The following GPC5 variants were observed in gnomAD, a reference collection of about 807,000 sequenced individuals.
The protein encoded by GPC5 is glypican-5.
In GPC5, 47 loss-of-function variants were observed where a neutral mutation model predicts 53.9. The observed-to-expected ratio is 0.87, with a 90% CI of 0.69 to 1.11. GPC5 has a LOEUF of 1.11. GPC5 is among the 50% of genes most tolerant of loss of function. GPC5 has a pLI of 0.00. For missense variants in GPC5, 748 were observed against 713.1 expected (o/e 1.05, Z -0.56); for synonymous variants, 286 against 263.3 (o/e 1.09, Z -0.84).
chr13:91,544,863 G>A (rs765121448), intron 2 of GPC5, among the ~76,000 whole-genome samples: 27 of 152,182 alleles, frequency 1.8e-4, no homozygotes, highest in Non-Finnish European at 4.4e-5. Context: ...GAGTCAAGAC[G>A]TGGGCCTGGA....
chr13:92,829,734 G>T (rs113032537), intron 7 of GPC5, among the ~76,000 whole-genome samples: 1 of 152,020 alleles, frequency 6.6e-6, no homozygotes, highest in Non-Finnish European at 1.5e-5. Context: ...ATTCTAAATG[G>T]ATAACTCACA....
At chr13:92,039,456 A>G (rs2040924629) in intron 6 of GPC5, among the ~76,000 whole-genome samples, 1 of 152,092 alleles carries the variant, frequency 6.6e-6, no homozygotes, top group South Asian at 2.1e-4. Context: ...ATGATTAGAA[A>G]CTCCAACACT....
At chr13:92,526,385 T>C (rs145702196) in intron 7 of GPC5, among the ~76,000 whole-genome samples, 1 of 152,102 alleles carries the variant, frequency 6.6e-6, no homozygotes, top group Admixed American at 6.6e-5. Context: ...GATAGTGTCA[T>C]GACCCCCAAC....
chr13:92,814,944 G>T (rs567992940), intron 7 of GPC5, among the ~76,000 whole-genome samples: 142 of 151,526 alleles, frequency 9.4e-4, no homozygotes, highest in Non-Finnish European at 1.7e-3. Flanking sequence ...TTCTCAAATC[G>T]CAAACCACAT....
chr13:91,603,685 TAG>T (rs1403232014), intron 2 of GPC5, among the ~76,000 whole-genome samples: 4 of 152,260 alleles, frequency 2.6e-5, no homozygotes, highest in African/African-American at 9.6e-5. Flanking sequence ...GTTCTCTTTT[TAG>T]AGAGTCATTT....
intron 7 of GPC5, among the ~76,000 whole-genome samples, chr13:92,828,241 TCC>T (rs765988672): frequency 2.3e-4 from 35 of 152,112 alleles, no homozygotes; most frequent in Non-Finnish European, 4.1e-4. Flanking sequence ...AAGAAGCTGC[TCC>T]CCCACCACAC....
At chr13:91,461,152 T>C (rs373330614) in intron 2 of GPC5, among the ~76,000 whole-genome samples, 6 of 152,178 alleles carry the variant, frequency 3.9e-5, no homozygotes, top group African/African-American at 1.4e-4. Context: ...GGCTAACTTT[T>C]GTATAAACAA....
At position 91,448,905 on chromosome 13, in the gene GPC5, A is replaced by T. The variant is rs1171707419; in HGVS notation, c.308A>T (p.Asn103Ile). The T allele has an allele frequency of 6.2e-7, 1 of 1,613,022 alleles. No homozygotes were observed. The change falls in exon 2 of 8, where the codon AAT becomes ATT. Residue 103 changes from asparagine (N) to isoleucine (I), a missense_variant. Transcript: ENST00000377067. ...ACATTAAAGTTTCTAATATCTCGAAATGCGGCTGCTTTTCAAGGTAAGTGG... is the reference window on the plus strand; with the variant it reads ...ACATTAAAGTTTCTAATATCTCGAATTGCGGCTGCTTTTCAAGGTAAGTGG... ...SSTLKFLISR[N>I]AAAFQETLET...
At chr13:92,660,939 A>G (rs1487957778) in intron 7 of GPC5, among the ~76,000 whole-genome samples, 1 of 152,056 alleles carries the variant, frequency 6.6e-6, no homozygotes, top group East Asian at 1.9e-4. Flanking sequence ...ATTTCTAACA[A>G]CTTTTATATT....
At chr13:92,321,679 A>G (rs926069223) in intron 7 of GPC5, among the ~76,000 whole-genome samples, 3 of 152,192 alleles carry the variant, frequency 2.0e-5, no homozygotes, top group Non-Finnish European at 4.4e-5. Flanking sequence ...CAAATTATTG[A>G]TGGGAAAAAC....
intron 7 of GPC5, among the ~76,000 whole-genome samples, chr13:92,704,778 A>C (rs1014803061): frequency 6.6e-6 from 1 of 151,620 alleles, no homozygotes; most frequent in South Asian, 2.1e-4. Flanking sequence ...ATTTTGCTTA[A>C]GAGTATATAT....
At chr13:92,216,162 C>T (rs1238101324) in intron 7 of GPC5, among the ~76,000 whole-genome samples, 4 of 152,208 alleles carry the variant, frequency 2.6e-5, no homozygotes, top group Non-Finnish European at 5.9e-5. Context: ...AGTTATCCTC[C>T]ACTGTCACTG....
At chr13:92,268,577 C>CT (rs200531427) in intron 7 of GPC5, among the ~76,000 whole-genome samples, 8,913 of 149,560 alleles carry the variant, frequency 0.06, 294 homozygotes, top group African/African-American at 0.081. Context: ...TAGGTAATAT[C>CT]TTTTTTTTTT....
chr13:92,125,592 G>A (rs1040286630), intron 6 of GPC5, among the ~76,000 whole-genome samples: 15 of 152,094 alleles, frequency 9.9e-5, no homozygotes, highest in African/African-American at 3.4e-4. Flanking sequence ...AAAGAGAAAA[G>A]GAGAGGGAAA....
At chr13:92,545,455 A>C (rs542543705) in intron 7 of GPC5, among the ~76,000 whole-genome samples, 112 of 152,318 alleles carry the variant, frequency 7.4e-4, no homozygotes, top group Middle Eastern at 3.4e-3. Flanking sequence ...TGGCTGGGTC[A>C]AATGGTATTT....
intron 7 of GPC5, among the ~76,000 whole-genome samples, chr13:92,727,727 C>A (rs931536294): frequency 2.6e-5 from 4 of 151,324 alleles, no homozygotes; most frequent in Admixed American, 6.6e-5. Context: ...AGAAACATAC[C>A]CTTAATGGAT....
intron 7 of GPC5, among the ~76,000 whole-genome samples, chr13:92,310,110 C>T (rs1014922007): frequency 2.0e-5 from 3 of 151,922 alleles, no homozygotes; most frequent in Admixed American, 6.6e-5. Flanking sequence ...GAATAATATT[C>T]CATTGTATGT....
At chr13:91,745,283 T>G (rs771907051) in intron 4 of GPC5, among the ~76,000 whole-genome samples, 1 of 152,052 alleles carries the variant, frequency 6.6e-6, no homozygotes, top group Non-Finnish European at 1.5e-5. Flanking sequence ...TGGTAATGTG[T>G]TGGGTTTGGA....
intron 5 of GPC5, among the ~76,000 whole-genome samples, chr13:91,798,394 A>G (rs1448157955): frequency 6.6e-6 from 1 of 152,032 alleles, no homozygotes; most frequent in Non-Finnish European, 1.5e-5. Context: ...CCATGTGTCC[A>G]TGTGTTCTCA....
Sources: allele counts gnomAD v4.1 joint callset (sites outside exome capture counted in the v4.1 genomes callset), GRCh38; gene constraint gnomAD v4.1.1; transcripts MANE v1.5; gene names NCBI Gene and HGNC (gene_info 2026-07-23, HGNC 2026-07-21).